SLC26A7: variants seen among roughly 807,000 people sequenced by gnomAD.
The protein encoded by SLC26A7 is solute carrier family 26 member 7.
In SLC26A7, 59 loss-of-function variants were observed where a neutral mutation model predicts 82.5. The ratio of observed to expected loss-of-function variants is 0.72; its 90% CI spans 0.58 to 0.89. The LOEUF (loss-of-function observed/expected upper bound fraction) is 0.89. Among genes scored for constraint, SLC26A7 ranks in the 40% least tolerant of loss-of-function variants. The pLI is 0.00. For missense variants in SLC26A7, 820 were observed against 793.0 expected (o/e 1.03, Z -0.41); for synonymous variants, 271 against 274.3 (o/e 0.99, Z 0.12).
intron 15 of SLC26A7, among the ~76,000 whole-genome samples, chr8:91,373,376 T>G (rs1814420318): frequency 6.6e-6 from 1 of 152,024 alleles, no homozygotes; most frequent in Admixed American, 6.6e-5. Flanking sequence ...AGATTGCTTT[T>G]ATTATTTTGA....
intron 1 of SLC26A7, among the ~76,000 whole-genome samples, chr8:91,217,116 G>A (rs1195133403): frequency 2.6e-5 from 4 of 152,076 alleles, no homozygotes; most frequent in African/African-American, 7.2e-5. Flanking sequence ...GTGTGTGTGT[G>A]TATGATTATT....
chr8:91,220,311 T>C (rs1397954524), intron 2 of SLC26A7, among the ~76,000 whole-genome samples: 7 of 152,144 alleles, frequency 4.6e-5, no homozygotes, highest in Non-Finnish European at 1.5e-5. Flanking sequence ...CTCAGTAGAT[T>C]GATTTTGATT....
intron 3 of SLC26A7, among the ~76,000 whole-genome samples, chr8:91,292,732 GT>G (rs201536369): frequency 1.6e-4 from 24 of 149,556 alleles, no homozygotes; most frequent in South Asian, 4.2e-4. Flanking sequence ...TTTAAAATAG[GT>G]TTTTTTTTTA....
At chr8:91,277,317 C>A (rs9297892) in intron 2 of SLC26A7, among the ~76,000 whole-genome samples, 80,706 of 152,124 alleles carry the variant, frequency 0.53, 24,264 homozygotes, top group South Asian at 0.68. Flanking sequence ...TTTGGTAATT[C>A]GTGCATAAAA....
chr8:91,342,546 A>G (rs1813450133), intron 8 of SLC26A7, among the ~76,000 whole-genome samples: 1 of 152,192 alleles, frequency 6.6e-6, no homozygotes, highest in Admixed American at 6.5e-5. Flanking sequence ...ATTCGGGAAA[A>G]GAAGGAGCAG....
At chr8:91,353,020 C>G in intron 11 of SLC26A7, 24 bp downstream of exon 11, 3 of 1,519,400 alleles carry the variant, frequency 2.0e-6, no homozygotes, top group Non-Finnish European at 2.7e-6. Flanking sequence ...TGACCTAAAA[C>G]AATCCCTTTT....
intron 2 of SLC26A7, among the ~76,000 whole-genome samples, chr8:91,274,502 AAGAG>A (rs1811354218): frequency 6.6e-6 from 1 of 152,198 alleles, no homozygotes; most frequent in African/African-American, 2.4e-5. Flanking sequence ...GAGAGGAAGA[AAGAG>A]AGATAGAGAG....
chr8:91,271,855 A>G (rs1811281124), intron 2 of SLC26A7, among the ~76,000 whole-genome samples: 1 of 152,132 alleles, frequency 6.6e-6, no homozygotes, highest in South Asian at 2.1e-4. Flanking sequence ...CGGCCTCTCA[A>G]AGTGTTGGGA....
intron 2 of SLC26A7, among the ~76,000 whole-genome samples, chr8:91,285,411 G>T (rs1355845926): frequency 2.6e-5 from 4 of 152,222 alleles, no homozygotes; most frequent in Non-Finnish European, 5.9e-5. Context: ...TCTTCACATG[G>T]TCTTCTTTTA....
intron 15 of SLC26A7, among the ~76,000 whole-genome samples, chr8:91,370,563 A>G (rs1814329486): frequency 6.6e-6 from 1 of 152,056 alleles, no homozygotes; most frequent in Admixed American, 6.6e-5. Context: ...GGTGACAAGA[A>G]CAAATATTTT....
intron 15 of SLC26A7, among the ~76,000 whole-genome samples, chr8:91,382,468 T>G (rs770517533): frequency 2.6e-5 from 4 of 152,186 alleles, no homozygotes; most frequent in Non-Finnish European, 5.9e-5. Context: ...CAATCCAAAT[T>G]TTATACTTTT....
intron 4 of SLC26A7, among the ~76,000 whole-genome samples, chr8:91,309,336 C>T (rs1193790011): frequency 6.6e-6 from 1 of 151,426 alleles, no homozygotes; most frequent in Non-Finnish European, 1.5e-5. Context: ...TTAAGTTAAA[C>T]ATGAGCATAT....
rs1393261895 is a variant in SLC26A7 at position 91,343,460 on chromosome 8, G to A, written c.1134G>A (p.Lys378=). ...RTAGLYSTGA[K]TQVACLISCI... ...CTGGCCTGTACAGCACAGGAGCGAA[G>A]ACACAGGTAACTGAATTGTTCCACA... Residue 378 remains lysine, a synonymous_variant, in exon 9 of 19, where the codon AAG becomes AAA. Transcript: ENST00000276609. 2 of 1,610,236 alleles carry A rather than the reference G, an allele frequency of 1.2e-6. No individual in the cohort carries two copies. The highest frequency in any genetic ancestry group is 2.2e-5 in the South Asian group (2 of 90,906).
Position 91,249,624 on chromosome 8 carries a change from T to C in SLC26A7, c.-28T>C. On this transcript the variant is annotated 5_prime_UTR_variant, in exon 2 of 19. Coordinates refer to ENST00000276609, the MANE Select transcript of SLC26A7 (RefSeq NM_052832.4). Reference sequence around the variant, plus strand: ...TGATTTTTTTTCTTGTTTAGAGAAGTTTACTTCTACAAGAAGAAATCTGAA... The same window carrying C: ...TGATTTTTTTTCTTGTTTAGAGAAGCTTACTTCTACAAGAAGAAATCTGAA... 6.7e-7 allele frequency: 1 copy of C among 1,484,110 alleles called. No individual in the cohort carries two copies. The highest frequency in any genetic ancestry group is 9.0e-7 in the Non-Finnish European group (1 of 1,116,958). 91.9% of individuals were successfully genotyped at this position (1,484,110 alleles called of 1,614,324 possible). A position where few individuals can be genotyped will look rare whatever the true frequency, so the allele number is the denominator to read the frequency against.
intron 2 of SLC26A7, among the ~76,000 whole-genome samples, chr8:91,275,847 C>T (rs564854701): frequency 2.7e-4 from 41 of 152,266 alleles, no homozygotes; most frequent in Admixed American, 1.8e-3. Flanking sequence ...ACCAGACAAT[C>T]GCTTCTCAGT....
At chr8:91,266,162 G>A (rs985626017) in intron 2 of SLC26A7, among the ~76,000 whole-genome samples, 10 of 151,848 alleles carry the variant, frequency 6.6e-5, no homozygotes, top group African/African-American at 1.9e-4. Context: ...TTTGAAGTTA[G>A]GTAGTGTAAT....
intron 4 of SLC26A7, among the ~76,000 whole-genome samples, chr8:91,317,658 T>G (rs975978278): frequency 3.9e-5 from 6 of 152,196 alleles, no homozygotes; most frequent in East Asian, 1.9e-4. Flanking sequence ...GGAATGGCTT[T>G]CTTTCTTCAA....
At chr8:91,229,874 G>A (rs1810288917) in intron 2 of SLC26A7, among the ~76,000 whole-genome samples, 1 of 152,140 alleles carries the variant, frequency 6.6e-6, no homozygotes, top group Non-Finnish European at 1.5e-5. Flanking sequence ...CATAAACATT[G>A]CACAGGGCAC....
chr8:91,285,841 G>A (rs924123564), intron 2 of SLC26A7, among the ~76,000 whole-genome samples: 9 of 152,158 alleles, frequency 5.9e-5, no homozygotes, highest in Non-Finnish European at 1.3e-4. Context: ...AAAACATAGA[G>A]TATCTAACAG....
Sources: gnomAD v4.1 joint callset for allele counts (sites outside exome capture counted in the v4.1 genomes callset) on GRCh38, gnomAD v4.1.1 for gene constraint, MANE v1.5 for transcripts, NCBI Gene and HGNC (gene_info 2026-07-23, HGNC 2026-07-21) for gene names.